The following MIPEP variants were observed in gnomAD, a reference collection of about 807,000 sequenced individuals.
MIPEP encodes the protein mitochondrial intermediate peptidase.
A neutral mutation model predicts 90.3 loss-of-function variants in MIPEP; 79 were observed. The ratio of observed to expected loss-of-function variants is 0.87; its 90% CI spans 0.73 to 1.05. The LOEUF (loss-of-function observed/expected upper bound fraction) is 1.05. Ranked by LOEUF, MIPEP falls within the 50% of genes least tolerant of loss-of-function variation. The pLI is 0.00. For synonymous variants in MIPEP, 334 were observed against 315.8 expected, an observed-to-expected ratio of 1.06 and a Z score of -0.61; for missense variants, 940 against 905.6, an observed-to-expected ratio of 1.04 and a Z score of -0.49.
intron 12 of MIPEP, among the ~76,000 whole-genome samples, chr13:23,839,003 TAACTTATAACCTA>T (rs1430608050): frequency 1.3e-5 from 2 of 152,250 alleles, no homozygotes; most frequent in African/African-American, 4.8e-5. Context: ...ATTTCTGTTA[TAACTTATAACCTA>T]AACTCTTGAC....
chr13:23,814,659 G>T (rs1403129389), intron 14 of MIPEP, among the ~76,000 whole-genome samples: 2 of 152,198 alleles, frequency 1.3e-5, no homozygotes, highest in African/African-American at 2.4e-5. Flanking sequence ...GAACAACTGT[G>T]CAAGAAACAT....
At chr13:23,753,270 T>C (rs923308270) in intron 18 of MIPEP, among the ~76,000 whole-genome samples, 1 of 149,902 alleles carries the variant, frequency 6.7e-6, no homozygotes, top group African/African-American at 2.4e-5. Flanking sequence ...AAAAAAGAAG[T>C]GTTTTGAAGT....
At chr13:23,883,033 A>G (rs1213772947) in intron 2 of MIPEP, among the ~76,000 whole-genome samples, 7 of 152,180 alleles carry the variant, frequency 4.6e-5, no homozygotes, top group Admixed American at 2.0e-4. Context: ...GGTGAAAAAC[A>G]GTTTATAAAA....
chr13:23,777,600 G>A (rs1952733112), intron 16 of MIPEP, among the ~76,000 whole-genome samples: 1 of 152,078 alleles, frequency 6.6e-6, no homozygotes, highest in East Asian at 1.9e-4. Flanking sequence ...TGCAACTTAC[G>A]AACATAAACT....
chr13:23,863,524 CAT>C (rs1464256944), intron 8 of MIPEP, among the ~76,000 whole-genome samples: 4 of 152,016 alleles, frequency 2.6e-5, no homozygotes, highest in African/African-American at 9.7e-5. Flanking sequence ...GTATATGAAA[CAT>C]AAATGAATTT....
intron 16 of MIPEP, among the ~76,000 whole-genome samples, chr13:23,781,150 T>C (rs1461494317): frequency 1.3e-5 from 2 of 152,044 alleles, no homozygotes; most frequent in African/African-American, 2.4e-5. Flanking sequence ...GACACATAAT[T>C]ATCAGATTCA....
chr13:23,880,779 A>G (rs1482887358), intron 3 of MIPEP, among the ~76,000 whole-genome samples: 1 of 152,250 alleles, frequency 6.6e-6, no homozygotes, highest in East Asian at 1.9e-4. Flanking sequence ...AATGTTGGCG[A>G]CCTGGGGAAA....
At chr13:23,847,048 TATAACTGCATG>T in intron 10 of MIPEP, among the ~76,000 whole-genome samples, 1 of 152,270 alleles carries the variant, frequency 6.6e-6, no homozygotes, top group East Asian at 1.9e-4. Flanking sequence ...GACCATCCTT[TATAACTGCATG>T]ATAACAGCAT....
intron 10 of MIPEP, among the ~76,000 whole-genome samples, chr13:23,858,023 T>C (rs1309613612): frequency 6.6e-6 from 1 of 152,186 alleles, no homozygotes; most frequent in Non-Finnish European, 1.5e-5. Context: ...TTCTATTACC[T>C]AAATCAACCT....
intron 16 of MIPEP, among the ~76,000 whole-genome samples, chr13:23,790,052 A>C (rs551422763): frequency 7.9e-5 from 12 of 152,306 alleles, no homozygotes; most frequent in African/African-American, 2.4e-4. Flanking sequence ...GTCTCTGCTA[A>C]GAACCATACT....
intron 16 of MIPEP, among the ~76,000 whole-genome samples, chr13:23,772,453 G>A (rs1321748718): frequency 3.3e-5 from 5 of 152,080 alleles, no homozygotes; most frequent in Admixed American, 3.3e-4. Flanking sequence ...GTTAAAAGTA[G>A]TATTCACTAT....
At chr13:23,825,304 A>T (rs1245861345) in intron 14 of MIPEP, among the ~76,000 whole-genome samples, 1 of 152,230 alleles carries the variant, frequency 6.6e-6, no homozygotes. Context: ...TGCTAGTTGC[A>T]CTGTCATGTT....
At chr13:23,840,910 G>A (rs954985168) in intron 11 of MIPEP, among the ~76,000 whole-genome samples, 6 of 152,242 alleles carry the variant, frequency 3.9e-5, no homozygotes, top group Admixed American at 1.3e-4. Flanking sequence ...GAACACGGAC[G>A]TAAATTAATA....
Position 23,809,863 on chromosome 13 carries a change from T to C in MIPEP, c.1715A>G (p.Asp572Gly). 3 of 1,612,868 alleles carry C rather than the reference T, an allele frequency of 1.9e-6. No individual in the cohort carries two copies. The highest frequency in any genetic ancestry group is 2.5e-6 in the Non-Finnish European group (3 of 1,179,168). The change falls in exon 15 of 19, where the codon GAT becomes GGT. Residue 572 changes from aspartate to glycine, a missense_variant. Physicochemically the swap from Asp to Gly is moderately conservative, Grantham distance 94 (BLOSUM62 -1). Coordinates refer to ENST00000382172, the MANE Select transcript of MIPEP (RefSeq NM_005932.4). ...CESKKVCAAADMQLQVFYATL... is the reference protein window; with the variant it reads ...CESKKVCAAAGMQLQVFYATL... ...GTACATACATACCTGAAGTTGCATA[T>C]CAGCTGCAGCACAAACCTTTTTAGA...
At position 23,836,257 on chromosome 13, in the gene MIPEP, G is replaced by T. The variant is rs757447273; in HGVS notation, c.1636C>A (p.His546Asn). 1 of 1,601,740 alleles carries T rather than the reference G, an allele frequency of 6.2e-7. No individual in the cohort carries two copies. Among genetic ancestry groups the T allele is most frequent in the African/African-American group, 1.3e-5 (1 of 74,350 alleles). The change falls in exon 14 of 19, where the codon CAT becomes AAT. Residue 546 changes from histidine (H) to asparagine (N), a missense_variant. By Grantham distance (68) the His-to-Asn change is moderately conservative. Coordinates refer to ENST00000382172, the MANE Select transcript of MIPEP (RefSeq NM_005932.4). The part of the protein sequence containing the change: ...DYRVVNQFAR[H>N]YQTGQPLPKN... ...GTTCCTACCTGTCCAGTCTGATAAT[G>T]TCTGGCAAATTGGTTAACTACTCGA...
chr13:23,798,525 C>A (rs1438305591), intron 16 of MIPEP, among the ~76,000 whole-genome samples: 1 of 152,094 alleles, frequency 6.6e-6, no homozygotes, highest in Non-Finnish European at 1.5e-5. Context: ...TTATATAAAT[C>A]CCCCGATATA....
chr13:23,775,412 G>A (rs1317041812), intron 16 of MIPEP, among the ~76,000 whole-genome samples: 1 of 152,008 alleles, frequency 6.6e-6, no homozygotes, highest in East Asian at 1.9e-4. Context: ...TTTTAGGCTG[G>A]GGATCAGCAT....
At chr13:23,735,793 G>A (rs968303729) in intron 18 of MIPEP, among the ~76,000 whole-genome samples, 2 of 152,110 alleles carry the variant, frequency 1.3e-5, no homozygotes, top group African/African-American at 2.4e-5. Context: ...GGATAATGAA[G>A]AATAGTTACT....
intron 16 of MIPEP, among the ~76,000 whole-genome samples, chr13:23,792,566 C>T (rs1361980384): frequency 6.6e-6 from 1 of 152,134 alleles, no homozygotes; most frequent in Non-Finnish European, 1.5e-5. Context: ...CTACATTGCC[C>T]AGGCTGGTCT....
Sources: gnomAD v4.1 joint callset for allele counts (sites outside exome capture counted in the v4.1 genomes callset) on GRCh38, gnomAD v4.1.1 for gene constraint, MANE v1.5 for transcripts, NCBI Gene and HGNC (gene_info 2026-07-23, HGNC 2026-07-21) for gene names.